Variants in CDH12 observed in about 807,000 individuals in gnomAD.
CDH12 encodes the protein cadherin 12.
Under a neutral mutation model 74.1 loss-of-function variants are expected in CDH12, and 41 were observed. The observed-to-expected ratio is 0.55, with a 90% CI of 0.43 to 0.72. The LOEUF (loss-of-function observed/expected upper bound fraction) is 0.72. CDH12 is among the 30% of genes least tolerant of loss of function. CDH12 has a pLI of 0.00. For synonymous variants in CDH12, 399 were observed against 355.0 expected, an observed-to-expected ratio of 1.12 and a Z score of -1.39; for missense variants, 945 against 977.2, an observed-to-expected ratio of 0.97 and a Z score of 0.44.
intron 3 of CDH12, among the ~76,000 whole-genome samples, chr5:22,322,798 G>T (rs1005412532): frequency 6.6e-6 from 1 of 152,052 alleles, no homozygotes; most frequent in East Asian, 1.9e-4. Context: ...TATCTTTTTT[G>T]ATCTCGCCCA....
chr5:22,707,672 ACAT>A (rs1376681737), intron 1 of CDH12, among the ~76,000 whole-genome samples: 1 of 152,200 alleles, frequency 6.6e-6, no homozygotes, highest in East Asian at 1.9e-4. Flanking sequence ...CTCCATTAAG[ACAT>A]ATGGAATATT....
Position 21,755,723 on chromosome 5 carries a change from T to C in CDH12, c.1753A>G (p.Met585Val). ...TCACATCTACAGACTCGAATAGTCA[T>C]TGTGTTTGTGCTGCTCTGGACAGGG... is the stretch of plus-strand genomic sequence containing the variant. ...SYPVQSSTNT[M>V]TIRVCRCDSD... The change falls in exon 14 of 15, where the codon ATG becomes GTG. Residue 585 changes from methionine to valine, a missense_variant. Met to Val is a conservative substitution (Grantham distance 21, BLOSUM62 1). Around this residue, in one of 3 missense-constraint regions of CDH12, gnomAD observed 791 missense variants for 792.8 expected, o/e 1.00. Transcript: ENST00000382254. 6.2e-7 allele frequency: 1 copy of C among 1,614,108 alleles called. No homozygotes were observed. The highest frequency in any genetic ancestry group is 8.5e-7 in the Non-Finnish European group (1 of 1,180,006).
intron 3 of CDH12, among the ~76,000 whole-genome samples, chr5:22,216,393 T>G (rs1751803403): frequency 6.6e-6 from 1 of 151,976 alleles, no homozygotes; most frequent in Non-Finnish European, 1.5e-5. Context: ...ATATTAGTCT[T>G]ATGATTCTTA....
intron 7 of CDH12, among the ~76,000 whole-genome samples, chr5:21,847,769 T>C (rs1750254517): frequency 6.6e-6 from 1 of 152,126 alleles, no homozygotes; most frequent in African/African-American, 2.4e-5. Context: ...GCAATCACTG[T>C]TCTGTCTAGC....
At chr5:22,711,561 C>T (rs1446287609) in intron 1 of CDH12, among the ~76,000 whole-genome samples, 2 of 152,066 alleles carry the variant, frequency 1.3e-5, no homozygotes, top group African/African-American at 2.4e-5. Flanking sequence ...TCACTGACAA[C>T]CAGGTCTTGT....
intron 5 of CDH12, among the ~76,000 whole-genome samples, chr5:22,022,388 C>A (rs1419297955): frequency 6.6e-6 from 1 of 152,148 alleles, no homozygotes; most frequent in African/African-American, 2.4e-5. Context: ...ACATGGCTTG[C>A]TTCCCCTTTG....
intron 4 of CDH12, among the ~76,000 whole-genome samples, chr5:22,127,557 C>T (rs1745954548): frequency 1.3e-5 from 2 of 151,060 alleles, no homozygotes; most frequent in South Asian, 4.2e-4. Context: ...GACAGGAATC[C>T]AGGATGACTT....
intron 2 of CDH12, among the ~76,000 whole-genome samples, chr5:22,486,866 G>A (rs764352793): frequency 6.6e-6 from 1 of 152,084 alleles, no homozygotes; most frequent in Non-Finnish European, 1.5e-5. Context: ...GTTGCACAGT[G>A]AGGTGGTCAT....
intron 4 of CDH12, among the ~76,000 whole-genome samples, chr5:22,082,340 C>T (rs1742794571): frequency 6.6e-6 from 1 of 152,090 alleles, no homozygotes; most frequent in African/African-American, 2.4e-5. Flanking sequence ...ACTATTCTTG[C>T]ACTTTGGGGC....
chr5:22,058,614 T>C (rs530812878), intron 5 of CDH12, among the ~76,000 whole-genome samples: 1 of 151,226 alleles, frequency 6.6e-6, no homozygotes. Context: ...AATTTCCCTT[T>C]CTTTCAGTCT....
Position 22,630,030 on chromosome 5 carries a change from C to T in CDH12, c.-522-124666G>A, listed in dbSNP as rs2126855012. ...ACAATAATCAAAATAAAATAAAATA[C>T]CTAGGAATACAGCTAAGCAGGAAGG... On this transcript the variant is annotated intron_variant, in intron 1 of 14. Transcript: ENST00000382254. Among the ~76,000 whole-genome samples, 3 of 152,002 alleles carry T rather than the reference C, an allele frequency of 2.0e-5. No homozygotes were observed. The Middle Eastern group carries it at 0.01, about 517-fold the overall frequency.
At chr5:21,937,267 T>A (rs1755115123) in intron 6 of CDH12, among the ~76,000 whole-genome samples, 1 of 152,286 alleles carries the variant, frequency 6.6e-6, no homozygotes, top group Admixed American at 6.5e-5. Flanking sequence ...GGGATTTTAC[T>A]CTAGGAATTG....
At chr5:22,454,309 T>C (rs1181350756) in intron 2 of CDH12, among the ~76,000 whole-genome samples, 1 of 152,186 alleles carries the variant, frequency 6.6e-6, no homozygotes, top group Non-Finnish European at 1.5e-5. Context: ...TTACTGAATG[T>C]AAGACTACTC....
chr5:21,856,088 A>G (rs977109910), intron 6 of CDH12, among the ~76,000 whole-genome samples: 1 of 151,710 alleles, frequency 6.6e-6, no homozygotes, highest in Admixed American at 6.6e-5. Flanking sequence ...AAACATTACT[A>G]GGAAGTCAGG....
At chr5:22,012,412 C>T (rs1161572116) in intron 5 of CDH12, among the ~76,000 whole-genome samples, 1 of 151,862 alleles carries the variant, frequency 6.6e-6, no homozygotes, top group Non-Finnish European at 1.5e-5. Context: ...ATTTTAATTC[C>T]AGTTGAGTTA....
At chr5:21,818,199 G>A (rs1310776083) in intron 8 of CDH12, among the ~76,000 whole-genome samples, 1 of 151,832 alleles carries the variant, frequency 6.6e-6, no homozygotes, top group African/African-American at 2.4e-5. Context: ...TTCTCTTACC[G>A]GATTTAGAAT....
At chr5:22,312,828 G>T (rs976700485) in intron 3 of CDH12, among the ~76,000 whole-genome samples, 1 of 152,110 alleles carries the variant, frequency 6.6e-6, no homozygotes, top group Non-Finnish European at 1.5e-5. Flanking sequence ...CAGATGTATG[G>T]ACATGAATTG....
At chr5:22,017,550 G>T (rs1737678951) in intron 5 of CDH12, among the ~76,000 whole-genome samples, 1 of 152,076 alleles carries the variant, frequency 6.6e-6, no homozygotes, top group Admixed American at 6.5e-5. Flanking sequence ...CCCTGAAAAT[G>T]ATTCAAATTC....
At chr5:22,135,801 G>A (rs1021199346) in intron 4 of CDH12, among the ~76,000 whole-genome samples, 11 of 151,938 alleles carry the variant, frequency 7.2e-5, no homozygotes, top group African/African-American at 2.7e-4. Flanking sequence ...GGTTTGTTTG[G>A]CAACTATTAG....
Sources: allele counts gnomAD v4.1 joint callset (sites outside exome capture counted in the v4.1 genomes callset), GRCh38; gene constraint gnomAD v4.1.1; regional missense constraint gnomAD v4.1.1; transcripts MANE v1.5; gene names NCBI Gene and HGNC (gene_info 2026-07-23, HGNC 2026-07-21).